Variants in PID1 observed in about 807,000 individuals in gnomAD.
The protein encoded by PID1 is PTB-containing, cubilin and LRP1-interacting protein.
Under a neutral mutation model 19.1 loss-of-function variants are expected in PID1, and 10 were observed. The ratio of observed to expected loss-of-function variants is 0.52; its 90% CI spans 0.32 to 0.89. The LOEUF (loss-of-function observed/expected upper bound fraction) is 0.89. Among genes scored for constraint, PID1 ranks in the 40% least tolerant of loss-of-function variants. The pLI is 0.03. For missense variants in PID1, 248 were observed against 285.3 expected, an observed-to-expected ratio of 0.87 and a Z score of 0.94; for synonymous variants, 130 against 116.0, an observed-to-expected ratio of 1.12 and a Z score of -0.78.
chr2:229,172,405 T>A (rs1447170397), intron 1 of PID1, among the ~76,000 whole-genome samples: 5 of 152,218 alleles, frequency 3.3e-5, no homozygotes, highest in Admixed American at 2.0e-4. Context: ...CCATGCTCTT[T>A]TTGACGGCTC....
intron 1 of PID1, among the ~76,000 whole-genome samples, chr2:229,268,143 T>C (rs1222467432): frequency 6.6e-6 from 1 of 152,222 alleles, no homozygotes; most frequent in Non-Finnish European, 1.5e-5. Context: ...TTTGTGTGAC[T>C]GAATGAGAAA....
intron 2 of PID1, among the ~76,000 whole-genome samples, chr2:229,073,187 G>A (rs528550377): frequency 6.6e-6 from 1 of 152,250 alleles, no homozygotes; most frequent in African/African-American, 2.4e-5. Flanking sequence ...CACCACGCCT[G>A]GCTAATTTTT....
At chr2:229,220,916 AT>A (rs1486207898) in intron 1 of PID1, among the ~76,000 whole-genome samples, 1 of 151,898 alleles carries the variant, frequency 6.6e-6, no homozygotes, top group Non-Finnish European at 1.5e-5. Flanking sequence ...GAAAAAAAAA[AT>A]TTAAAAAAAA....
At chr2:229,151,049 C>T (rs1029430125) in intron 2 of PID1, among the ~76,000 whole-genome samples, 23 of 152,010 alleles carry the variant, frequency 1.5e-4, no homozygotes, top group African/African-American at 4.6e-4. Flanking sequence ...ATGGTAGGCA[C>T]GGAACTCAGA....
intron 1 of PID1, among the ~76,000 whole-genome samples, chr2:229,181,734 C>T (rs1191863298): frequency 6.6e-6 from 1 of 151,602 alleles, no homozygotes; most frequent in East Asian, 1.9e-4. Context: ...TGCTTTATTT[C>T]TCTTTGTAGA....
intron 2 of PID1, among the ~76,000 whole-genome samples, chr2:229,035,063 A>T (rs1411707368): frequency 2.6e-5 from 4 of 152,184 alleles, no homozygotes; most frequent in Non-Finnish European, 1.5e-5. Flanking sequence ...ATATCATTAG[A>T]TACAGTGATG....
chr2:229,028,176 C>A (rs1693466862), intron 2 of PID1, among the ~76,000 whole-genome samples: 1 of 152,178 alleles, frequency 6.6e-6, no homozygotes, highest in African/African-American at 2.4e-5. Flanking sequence ...TTTCAAATGT[C>A]AGCTATTTTC....
chr2:229,088,361 C>T (rs769374313), intron 2 of PID1, among the ~76,000 whole-genome samples: 2 of 151,984 alleles, frequency 1.3e-5, no homozygotes, highest in Non-Finnish European at 2.9e-5. Flanking sequence ...TAAGAAATCC[C>T]TCCCAGTAAG....
chr2:229,237,086 A>G (rs1445994674), intron 1 of PID1, among the ~76,000 whole-genome samples: 1 of 152,114 alleles, frequency 6.6e-6, no homozygotes, highest in Non-Finnish European at 1.5e-5. Flanking sequence ...ATTACTCCAT[A>G]TTAAGAAATT....
intron 2 of PID1, among the ~76,000 whole-genome samples, chr2:229,069,062 G>A (rs1694392448): frequency 6.6e-6 from 1 of 151,076 alleles, no homozygotes; most frequent in Non-Finnish European, 1.5e-5. Context: ...CTCCAGTTTG[G>A]AAAAGAGTTT....
intron 1 of PID1, among the ~76,000 whole-genome samples, chr2:229,204,637 C>T (rs1254270061): frequency 1.3e-5 from 2 of 152,166 alleles, no homozygotes; most frequent in East Asian, 3.9e-4. Context: ...CGGGTGAGGT[C>T]ACACAGGCTT....
chr2:229,142,192 C>T (rs542963684), intron 2 of PID1, among the ~76,000 whole-genome samples: 14 of 152,080 alleles, frequency 9.2e-5, no homozygotes, highest in Non-Finnish European at 2.1e-4. Context: ...TATAGTACTG[C>T]TCCCACAAAA....
At chr2:229,175,038 T>C (rs181485420) in intron 1 of PID1, among the ~76,000 whole-genome samples, 2 of 152,292 alleles carry the variant, frequency 1.3e-5, no homozygotes, top group Admixed American at 6.5e-5. Flanking sequence ...GCAGCCCAGT[T>C]GCCAGCTTGC....
chr2:229,048,546 A>T (rs1237610524), intron 2 of PID1, among the ~76,000 whole-genome samples: 1 of 152,140 alleles, frequency 6.6e-6, no homozygotes, highest in South Asian at 2.1e-4. Context: ...CCAGCCCAAA[A>T]TTTGGTTCTT....
chr2:229,093,491 C>G (rs573333140), intron 2 of PID1, among the ~76,000 whole-genome samples: 113 of 151,772 alleles, frequency 7.4e-4, no homozygotes, highest in African/African-American at 2.6e-3. Context: ...ACAAAAATGT[C>G]TGAAGCACCA....
At chr2:229,174,350 G>GTC (rs1264768826) in intron 1 of PID1, among the ~76,000 whole-genome samples, 3 of 152,166 alleles carry the variant, frequency 2.0e-5, no homozygotes, top group African/African-American at 7.2e-5. Context: ...GGTACCTACG[G>GTC]AGCTCACGGT....
chr2:229,155,889 G>A lies in PID1; in HGVS notation c.106C>T (p.His36Tyr), dbSNP rs554571331. ...KKEPLPAVIF[H>Y]EPEAIELCTT... ...CACAGCTCAATGGCCTCCGGCTCAT[G>A]GAAGATGACCGCTGGGAGAGGTTCC... Residue 36 changes from histidine to tyrosine, a missense_variant, in exon 2 of 3, where the codon CAT (histidine) becomes TAT (tyrosine). Coordinates refer to ENST00000392055, the MANE Select transcript of PID1 (RefSeq NM_001100818.2). The A allele has an allele frequency of 2.7e-5, 43 of 1,613,928 alleles. No homozygotes were observed. In the South Asian group the frequency reaches 4.5e-4, roughly 17 times the overall value.
intron 1 of PID1, among the ~76,000 whole-genome samples, chr2:229,213,221 C>G (rs1226383747): frequency 6.6e-6 from 1 of 152,060 alleles, no homozygotes; most frequent in Non-Finnish European, 1.5e-5. Flanking sequence ...CAAGATAATT[C>G]ATGAGAATTA....
At chr2:229,185,407 G>C (rs1691106172) in intron 1 of PID1, among the ~76,000 whole-genome samples, 1 of 152,080 alleles carries the variant, frequency 6.6e-6, no homozygotes, top group Non-Finnish European at 1.5e-5. Context: ...TGCTGCTCCA[G>C]CAAGTCTTTC....
Sources: allele counts gnomAD v4.1 joint callset (sites outside exome capture counted in the v4.1 genomes callset), GRCh38; gene constraint gnomAD v4.1.1; transcripts MANE v1.5; gene names NCBI Gene and HGNC (gene_info 2026-07-23, HGNC 2026-07-21).